Variants in UTRN observed in about 807,000 individuals in gnomAD.
UTRN encodes dystrophin-related protein 1.
Under a neutral mutation model 463.9 loss-of-function variants are expected in UTRN, and 283 were observed. That is an observed-to-expected ratio of 0.61 (90% confidence interval 0.55 to 0.67). The LOEUF (loss-of-function observed/expected upper bound fraction) is 0.67. UTRN is among the 30% of genes least tolerant of loss of function. The pLI, the probability that UTRN is intolerant of heterozygous loss-of-function variation, is 0.00. For missense variants in UTRN, 3,922 were observed against 4,084.3 expected (o/e 0.96, Z 1.08); for synonymous variants, 1,442 against 1,431.5 (o/e 1.01, Z -0.17).
intron 65 of UTRN, among the ~76,000 whole-genome samples, chr6:144,805,459 C>T (rs1217090981): frequency 6.6e-6 from 1 of 152,128 alleles, no homozygotes; most frequent in Non-Finnish European, 1.5e-5. Flanking sequence ...AGATTCAGCC[C>T]TGTAAAGAAC....
At chr6:144,299,310 CAT>C (rs1805028151) in intron 2 of UTRN, among the ~76,000 whole-genome samples, 1 of 152,108 alleles carries the variant, frequency 6.6e-6, no homozygotes. Context: ...GTTTAAAAGT[CAT>C]AGAACCAAAG....
intron 56 of UTRN, among the ~76,000 whole-genome samples, chr6:144,752,386 A>G (rs865859222): frequency 2.3e-4 from 35 of 151,934 alleles, no homozygotes; most frequent in Admixed American, 2.0e-4. Context: ...TTTTTTCCAG[A>G]TAGCACATTT....
intron 51 of UTRN, among the ~76,000 whole-genome samples, chr6:144,642,163 A>G (rs1369599443): frequency 1.3e-5 from 2 of 152,170 alleles, no homozygotes; most frequent in Non-Finnish European, 2.9e-5. Context: ...TATTATGGCT[A>G]ATTTTCCTTT....
chr6:144,304,551 G>C (rs1384403753), intron 2 of UTRN, among the ~76,000 whole-genome samples: 1 of 152,160 alleles, frequency 6.6e-6, no homozygotes, highest in East Asian at 1.9e-4. Context: ...TGACATCCCA[G>C]GGCTTCAAGG....
At chr6:144,356,880 C>CAT (rs939832856) in intron 2 of UTRN, among the ~76,000 whole-genome samples, 2 of 3,968 alleles carry the variant, frequency 5.0e-4, no homozygotes, top group African/African-American at 2.7e-3. Flanking sequence ...TGTATATATA[C>CAT]ATATGTGTGT....
chr6:144,506,543 A>G (rs1166941212), intron 34 of UTRN, among the ~76,000 whole-genome samples: 1 of 152,176 alleles, frequency 6.6e-6, no homozygotes, highest in Admixed American at 6.5e-5. Flanking sequence ...TGGATATGAA[A>G]TTCTGGGTTG....
In UTRN at chr6:144,675,503, A is replaced by G. The variant is rs553834597; in HGVS notation, c.7480-2903A>G. Among the ~76,000 whole-genome samples, 6 of 152,308 alleles carry G rather than the reference A, an allele frequency of 3.9e-5. No individual in the cohort carries two copies. In the East Asian group the frequency reaches 1.2e-3, roughly 29 times the overall value. ...GTGGTTAAGCTGATGTGTGGTAAGC[A>G]GTGGAATTAGCTGTTGTTTTCTCCT... On this transcript the variant is annotated intron_variant, in intron 51 of 74. Transcript: ENST00000367545.
intron 51 of UTRN, among the ~76,000 whole-genome samples, chr6:144,630,936 A>G (rs1276070762): frequency 6.6e-6 from 1 of 152,140 alleles, no homozygotes; most frequent in African/African-American, 2.4e-5. Flanking sequence ...AAGAAGAAGA[A>G]AGAAGATACT....
At chr6:144,798,733 G>C (rs1414146517) in intron 64 of UTRN, among the ~76,000 whole-genome samples, 1 of 152,164 alleles carries the variant, frequency 6.6e-6, no homozygotes, top group Non-Finnish European at 1.5e-5. Flanking sequence ...TCAAGATTTT[G>C]TGTGTGTCTT....
chr6:144,728,433 A>G (rs1041278898), intron 53 of UTRN, among the ~76,000 whole-genome samples: 1 of 148,048 alleles, frequency 6.8e-6, no homozygotes, highest in African/African-American at 2.5e-5. Context: ...ATCTCTTTTT[A>G]TTTCCATATA....
rs566629018 is a variant in UTRN, at chr6:144,613,853, T to C, written c.7479+36565T>C. 4.4e-3 allele frequency among the ~76,000 whole-genome samples: 664 copies of C among 152,238 alleles called. 2 individuals are homozygous for C. Among genetic ancestry groups the C allele is most frequent in the African/African-American group, 0.015 (641 of 41,562 alleles). On this transcript the variant is annotated intron_variant, in intron 51 of 74. Transcript: ENST00000367545. ...AGTGATATGATTCTCTTGTATTTTG[T>C]AAAATTAAATATATATACACGCATT...
intron 74 of UTRN, 119 bp downstream of exon 74, chr6:144,846,946 C>A: frequency 7.2e-7 from 1 of 1,389,402 alleles, no homozygotes; most frequent in Non-Finnish European, 1.0e-6. Flanking sequence ...ACTTACTTGA[C>A]ATTTAAATGT....
At chr6:144,815,064 CT>C (rs1217130409) in intron 65 of UTRN, among the ~76,000 whole-genome samples, 1 of 152,178 alleles carries the variant, frequency 6.6e-6, no homozygotes, top group Non-Finnish European at 1.5e-5. Context: ...CTGTTGAAGA[CT>C]GTTAGAGTCA....
chr6:144,591,179 G>A (rs1350126954), intron 51 of UTRN, among the ~76,000 whole-genome samples: 15 of 151,972 alleles, frequency 9.9e-5, no homozygotes, highest in South Asian at 6.2e-4. Flanking sequence ...CATTACAGTC[G>A]CCCAGAGAAT....
chr6:144,348,687 C>T (rs1465588353), intron 2 of UTRN, among the ~76,000 whole-genome samples: 7 of 152,180 alleles, frequency 4.6e-5, no homozygotes, highest in African/African-American at 1.7e-4. Context: ...GTAATCCCAG[C>T]ACTTTGGGAG....
At chr6:144,732,228 A>G (rs1038315601) in intron 54 of UTRN, among the ~76,000 whole-genome samples, 7 of 45,108 alleles carry the variant, frequency 1.6e-4, no homozygotes, top group African/African-American at 5.1e-4. Flanking sequence ...ATATATATAT[A>G]TATATATATA....
chr6:144,507,739 G>A (rs141977701), intron 34 of UTRN, among the ~76,000 whole-genome samples: 3,265 of 152,252 alleles, frequency 0.021, 54 homozygotes, highest in Non-Finnish European at 0.033. Flanking sequence ...GAGGCACAGG[G>A]GTCAGGGACC....
intron 39 of UTRN, among the ~76,000 whole-genome samples, chr6:144,517,374 T>G (rs1217676709): frequency 6.6e-6 from 1 of 151,690 alleles, no homozygotes; most frequent in Non-Finnish European, 1.5e-5. Flanking sequence ...TTTTCTTTTT[T>G]TTTTTTAAAG....
At chr6:144,660,612 A>AC (rs1240245409) in intron 51 of UTRN, among the ~76,000 whole-genome samples, 1 of 152,164 alleles carries the variant, frequency 6.6e-6, no homozygotes. Context: ...CCAGCAAAAA[A>AC]CACTGGGTAT....
Sources: gnomAD v4.1 joint callset for allele counts (sites outside exome capture counted in the v4.1 genomes callset) on GRCh38, gnomAD v4.1.1 for gene constraint, MANE v1.5 for transcripts, NCBI Gene and HGNC (gene_info 2026-07-23, HGNC 2026-07-21) for gene names.